The following UBAP2 variants were observed in gnomAD, a reference collection of about 807,000 sequenced individuals.
UBAP2 encodes the protein ubiquitin-associated protein 2.
Under a neutral mutation model 139.6 loss-of-function variants are expected in UBAP2, and 75 were observed. That is an observed-to-expected ratio of 0.54 (90% CI 0.45 to 0.65). The LOEUF is 0.65. Ranked by LOEUF, UBAP2 falls within the 30% of genes least tolerant of loss-of-function variation. The probability of loss-of-function intolerance (pLI) is 0.00; values close to 1 mark genes in which losing one functional copy is unlikely to be tolerated. For missense variants in UBAP2, 1,368 were observed against 1,369.6 expected, an observed-to-expected ratio of 1.00 and a Z score of 0.02; for synonymous variants, 526 against 526.2, an observed-to-expected ratio of 1.00 and a Z score of 0.01.
At chr9:34,009,557 G>A (rs1056040733) in intron 2 of UBAP2, among the ~76,000 whole-genome samples, 12 of 151,894 alleles carry the variant, frequency 7.9e-5, no homozygotes, top group African/African-American at 1.2e-4. Flanking sequence ...ACCATGTCCC[G>A]GTTCAAAATG....
In UBAP2 at chr9:33,953,281, T is replaced by A; in HGVS notation, c.1056+4A>T. 1.2e-6 allele frequency: 2 copies of A among 1,609,146 alleles called. No homozygotes were observed. Among genetic ancestry groups the A allele is most frequent in the Non-Finnish European group, 1.7e-6 (2 of 1,177,468 alleles). On this transcript the variant is annotated splice_donor_region_variant and intron_variant, in intron 12 of 28. Transcript: ENST00000379238. ...AATCCCACACTGAAATAAAAGTGAG[T>A]TACCAGGCTCTGAGGAGAACAGGAG... is the stretch of plus-strand genomic sequence containing the variant.
chr9:33,927,978 C>T lies in UBAP2; in HGVS notation c.2190G>A (p.Glu730=). The T allele has an allele frequency of 6.2e-7, 1 of 1,612,674 alleles. No homozygotes were observed. Among genetic ancestry groups the T allele is most frequent in the African/African-American group, 1.3e-5 (1 of 75,056 alleles). ...SSTSHTHASV[E]SASSHQSSAT... ...CTGAGGACTGGTGGGAAGAGGCGCTCTCCACACTGGCATGCTGGCAAAAGA... is the reference window on the plus strand; with the variant it reads ...CTGAGGACTGGTGGGAAGAGGCGCTTTCCACACTGGCATGCTGGCAAAAGA... The change falls in exon 20 of 29, where the codon GAG becomes GAA. Residue 730 remains glutamate, a synonymous_variant. Coordinates refer to ENST00000379238, the MANE Select transcript of UBAP2 (RefSeq NM_001370062.2).
intron 14 of UBAP2, 94 bp downstream of exon 14, chr9:33,944,271 C>A (rs1825473850): frequency 6.0e-6 from 9 of 1,506,116 alleles, no homozygotes; most frequent in East Asian, 4.5e-5. Context: ...TTGAAAAACA[C>A]TGTACCCCAG....
intron 2 of UBAP2, among the ~76,000 whole-genome samples, chr9:34,011,059 A>G (rs1034527911): frequency 1.3e-5 from 2 of 152,178 alleles, no homozygotes; most frequent in Non-Finnish European, 1.5e-5. Flanking sequence ...AACGTGCACA[A>G]TTTACAAAAC....
chr9:34,044,779 T>G (rs974418941), intron 1 of UBAP2, among the ~76,000 whole-genome samples: 14 of 151,904 alleles, frequency 9.2e-5, no homozygotes, highest in African/African-American at 3.1e-4. Context: ...GGCAGGAGCA[T>G]CACTTGAACC....
intron 10 of UBAP2, among the ~76,000 whole-genome samples, 171 bp downstream of exon 10, chr9:33,960,655 C>T (rs1315165035): frequency 6.6e-6 from 1 of 151,928 alleles, no homozygotes; most frequent in Non-Finnish European, 1.5e-5. Flanking sequence ...TGGCGCACAT[C>T]TGTAATCCCA....
chr9:33,980,397 A>C (rs1298098255), intron 6 of UBAP2, among the ~76,000 whole-genome samples: 2 of 143,472 alleles, frequency 1.4e-5, no homozygotes, highest in Middle Eastern at 3.5e-3. Context: ...CACACCAGCT[A>C]ATCTTTTTTT....
At chr9:34,003,459 C>G (rs1822904253) in intron 2 of UBAP2, among the ~76,000 whole-genome samples, 1 of 150,668 alleles carries the variant, frequency 6.6e-6, no homozygotes, top group Non-Finnish European at 1.5e-5. Context: ...GCAACCTCCG[C>G]CTCCCAGGTT....
At chr9:34,031,554 G>A (rs144068691) in intron 1 of UBAP2, among the ~76,000 whole-genome samples, 19,904 of 151,704 alleles carry the variant, frequency 0.13, 1,562 homozygotes, top group South Asian at 0.33. Flanking sequence ...TGATCCACCC[G>A]CCTCGGCCTC....
intron 8 of UBAP2, among the ~76,000 whole-genome samples, chr9:33,966,941 C>A (rs1037161554): frequency 6.6e-6 from 1 of 151,638 alleles, no homozygotes; most frequent in Non-Finnish European, 1.5e-5. Context: ...GACGGACCAC[C>A]GTGAATTAAT....
Position 33,956,160 on chromosome 9 carries a change from T to C in UBAP2, c.799-14A>G, listed in dbSNP as rs140149993. 21 of 1,610,078 alleles carry C rather than the reference T, an allele frequency of 1.3e-5. No homozygotes were observed. In the East Asian group the frequency reaches 4.2e-4, roughly 32 times the overall value. On this transcript the variant is annotated splice_polypyrimidine_tract_variant and intron_variant, in intron 10 of 28. Transcript: ENST00000379238. The stretch of plus-strand genomic sequence containing the variant: ...TGTTTCAGAAAGCTGTATGGAAAGT[T>C]GAAAAATTTAATCTTATTCTACATA...
chr9:34,026,983 G>A (rs1453094706), intron 1 of UBAP2, among the ~76,000 whole-genome samples: 1 of 152,110 alleles, frequency 6.6e-6, no homozygotes, highest in Non-Finnish European at 1.5e-5. Context: ...ATCTGGTCTA[G>A]ATCAGATCTC....
At chr9:33,947,891 T>C (rs1310890209) in intron 13 of UBAP2, among the ~76,000 whole-genome samples, 2 of 145,518 alleles carry the variant, frequency 1.4e-5, no homozygotes, top group Non-Finnish European at 3.0e-5. Flanking sequence ...TGCACATCTA[T>C]AATCCCAGTT....
intron 1 of UBAP2, among the ~76,000 whole-genome samples, chr9:34,048,451 G>A (rs982313706): frequency 6.6e-6 from 1 of 152,206 alleles, no homozygotes; most frequent in African/African-American, 2.4e-5. Flanking sequence ...AGATGGGACC[G>A]ACAGCGTGGC....
chr9:33,981,103 GATATAT>G (rs569105151), intron 6 of UBAP2, among the ~76,000 whole-genome samples: 57 of 600 alleles, frequency 0.095, 23 homozygotes, highest in African/African-American at 0.12. Context: ...ATATATTCTG[GATATAT>G]ATATATATAT....
intron 3 of UBAP2, 106 bp from the exon 4 acceptor site, chr9:33,996,439 T>C: frequency 5.2e-6 from 4 of 762,932 alleles, no homozygotes; most frequent in South Asian, 5.0e-5. Flanking sequence ...TACATGAAGA[T>C]GGCCTCTTCT....
chr9:34,021,325 T>C (rs1171027312), intron 1 of UBAP2, among the ~76,000 whole-genome samples: 3 of 152,204 alleles, frequency 2.0e-5, no homozygotes, highest in Admixed American at 1.3e-4. Context: ...CAACCAATTA[T>C]CTAGAATTTC....
intron 20 of UBAP2, 25 bp from the exon 21 acceptor site, chr9:33,927,105 G>A: frequency 2.6e-6 from 4 of 1,563,146 alleles, no homozygotes; most frequent in Non-Finnish European, 3.5e-6. Context: ...AAATCAAATG[G>A]AGTGAAATGG....
chr9:33,934,547 T>C (rs369902884), intron 17 of UBAP2, among the ~76,000 whole-genome samples: 2 of 152,188 alleles, frequency 1.3e-5, no homozygotes, highest in Non-Finnish European at 2.9e-5. Context: ...ATATAAACCT[T>C]GTTCATAGAT....
Sources: gnomAD v4.1 joint callset for allele counts (sites outside exome capture counted in the v4.1 genomes callset) on GRCh38, gnomAD v4.1.1 for gene constraint, MANE v1.5 for transcripts, NCBI Gene and HGNC (gene_info 2026-07-23, HGNC 2026-07-21) for gene names.